Variants in MSRA observed in about 807,000 individuals in gnomAD.
The protein encoded by MSRA is methionine sulfoxide reductase A, also known as mitochondrial peptide methionine sulfoxide reductase.
A neutral mutation model predicts 31.3 loss-of-function variants in MSRA; 54 were observed. The observed-to-expected ratio is 1.73, with a 90% CI of 1.39 to 2.17. MSRA has a LOEUF of 2.17. MSRA is among the 30% of genes most tolerant of loss of function. The pLI is 0.00. For synonymous variants in MSRA, 169 were observed against 116.5 expected, an observed-to-expected ratio of 1.45 and a Z score of -2.90; for missense variants, 507 against 300.9, an observed-to-expected ratio of 1.69 and a Z score of -5.07.
At chr8:10,240,754 C>T (rs1041737952) in intron 2 of MSRA, among the ~76,000 whole-genome samples, 1 of 152,130 alleles carries the variant, frequency 6.6e-6, no homozygotes, top group Non-Finnish European at 1.5e-5. Flanking sequence ...CCTGGCCACT[C>T]TAGAGTAAGG....
chr8:10,288,903 G>A (rs924387452), intron 3 of MSRA, among the ~76,000 whole-genome samples: 4 of 151,990 alleles, frequency 2.6e-5, no homozygotes, highest in South Asian at 2.1e-4. Flanking sequence ...TTTGGATGAC[G>A]TGAAGTAGCT....
At chr8:10,143,364 G>A (rs1479806198) in intron 1 of MSRA, among the ~76,000 whole-genome samples, 1 of 152,100 alleles carries the variant, frequency 6.6e-6, no homozygotes, top group East Asian at 1.9e-4. Flanking sequence ...TTTCAGAAAA[G>A]GGTCCCTTCA....
intron 5 of MSRA, among the ~76,000 whole-genome samples, chr8:10,390,505 G>A (rs1287331900): frequency 6.6e-6 from 1 of 152,172 alleles, no homozygotes; most frequent in Non-Finnish European, 1.5e-5. Flanking sequence ...GGAAGCCAGG[G>A]GCATCCTGTG....
chr8:10,069,425 C>T lies in MSRA; in HGVS notation c.142+14767C>T, dbSNP rs566197827. On this transcript the variant is annotated intron_variant, in intron 1 of 5. Transcript: ENST00000317173. ...AAATAGATGTTTGTCCTCGTCCATT[C>T]GTGTTGTGATAACAGAATACCACAG... 2.9e-4 allele frequency among the ~76,000 whole-genome samples: 44 copies of T among 152,280 alleles called. 1 individual carries two copies. The highest frequency in any genetic ancestry group is 2.4e-4 in the Non-Finnish European group (16 of 68,028).
intron 1 of MSRA, among the ~76,000 whole-genome samples, chr8:10,200,858 G>T (rs767503031): frequency 2.2e-4 from 33 of 152,142 alleles, no homozygotes; most frequent in Non-Finnish European, 4.3e-4. Context: ...CCCTGCCCCA[G>T]ATTTGAGTGA....
At chr8:10,323,562 C>T (rs62490329) in intron 5 of MSRA, among the ~76,000 whole-genome samples, 3 of 152,004 alleles carry the variant, frequency 2.0e-5, no homozygotes, top group Admixed American at 6.6e-5. Flanking sequence ...GGGGAACCCA[C>T]GTTGATTTTA....
At chr8:10,295,853 C>G (rs752367502) in intron 3 of MSRA, among the ~76,000 whole-genome samples, 1 of 152,094 alleles carries the variant, frequency 6.6e-6, no homozygotes, top group East Asian at 1.9e-4. Flanking sequence ...CAGAGGAAGT[C>G]GTTGACAGGG....
At chr8:10,369,897 A>T (rs1237689187) in intron 5 of MSRA, among the ~76,000 whole-genome samples, 1 of 152,238 alleles carries the variant, frequency 6.6e-6, no homozygotes, top group African/African-American at 2.4e-5. Context: ...ACAATCATTC[A>T]TTCATTCTCC....
intron 3 of MSRA, among the ~76,000 whole-genome samples, chr8:10,282,141 G>A (rs76856650): frequency 0.069 from 10,544 of 152,092 alleles, 582 homozygotes; most frequent in East Asian, 0.29. Flanking sequence ...TTTATAATTC[G>A]TACTAATCAA....
chr8:10,153,661 G>T lies in MSRA; in HGVS notation c.143-54172G>T, dbSNP rs7816818. Among the ~76,000 whole-genome samples, 527 of 152,304 alleles carry T rather than the reference G, an allele frequency of 3.5e-3. 4 individuals are homozygous for T. Among genetic ancestry groups the T allele is most frequent in the African/African-American group, 0.011 (478 of 41,570 alleles). On this transcript the variant is annotated intron_variant, in intron 1 of 5. Coordinates refer to ENST00000317173, the MANE Select transcript of MSRA (RefSeq NM_012331.5). ...CAGCAGTGGTAGCACAGGTGAGGGT[G>T]TCGCCCACCGTCTGAGAAACCCATG...
At chr8:10,264,652 G>T (rs1365273018) in intron 3 of MSRA, among the ~76,000 whole-genome samples, 1 of 152,154 alleles carries the variant, frequency 6.6e-6, no homozygotes, top group Non-Finnish European at 1.5e-5. Context: ...AGATGCTGGG[G>T]GTCCCAAGGT....
In MSRA at chr8:10,422,944, C is replaced by A. The variant is rs78349318; in HGVS notation, c.544-5204C>A. 0.013 allele frequency among the ~76,000 whole-genome samples: 1,936 copies of A among 152,346 alleles called. 86 individuals carry two copies. In the East Asian group the frequency reaches 0.13, roughly 11 times the overall value. ...ATAGGGCCTGGAGGATGAGCACAGT[C>A]CCCTGAGGGCACCTGGGTCTTGAGG... On this transcript the variant is annotated intron_variant, in intron 5 of 5. Transcript: ENST00000317173.
chr8:10,388,334 C>T (rs531298383), intron 5 of MSRA, among the ~76,000 whole-genome samples: 3 of 152,276 alleles, frequency 2.0e-5, no homozygotes, highest in South Asian at 2.1e-4. Flanking sequence ...AGGTCACCCC[C>T]GTCTTCCTGG....
intron 1 of MSRA, among the ~76,000 whole-genome samples, chr8:10,171,122 C>T (rs982240410): frequency 1.3e-5 from 2 of 152,178 alleles, no homozygotes; most frequent in Non-Finnish European, 1.5e-5. Flanking sequence ...TAAAGACTTG[C>T]AACTGACTTT....
intron 1 of MSRA, among the ~76,000 whole-genome samples, chr8:10,172,162 A>C (rs1159069331): frequency 6.6e-6 from 1 of 152,186 alleles, no homozygotes; most frequent in Non-Finnish European, 1.5e-5. Flanking sequence ...CAATGTGTGG[A>C]AAGGGAGTGA....
chr8:10,197,142 C>G (rs985187224), intron 1 of MSRA, among the ~76,000 whole-genome samples: 1 of 152,058 alleles, frequency 6.6e-6, no homozygotes, highest in African/African-American at 2.4e-5. Context: ...CATTTATATT[C>G]TCAAGATTAT....
At chr8:10,172,150 G>T (rs2129046729) in intron 1 of MSRA, among the ~76,000 whole-genome samples, 1 of 152,344 alleles carries the variant, frequency 6.6e-6, no homozygotes, top group East Asian at 1.9e-4. Context: ...CTCCCTCCAT[G>T]CCAATGTGTG....
intron 1 of MSRA, among the ~76,000 whole-genome samples, chr8:10,098,449 T>C (rs1799318361): frequency 1.3e-5 from 2 of 152,204 alleles, no homozygotes; most frequent in Non-Finnish European, 2.9e-5. Flanking sequence ...TACTCGCTCA[T>C]TTATTCATTT....
intron 5 of MSRA, among the ~76,000 whole-genome samples, chr8:10,370,593 A>C (rs116458717): frequency 2.9e-4 from 44 of 152,314 alleles, no homozygotes; most frequent in African/African-American, 1.1e-3. Flanking sequence ...CGGGGAGCAA[A>C]GTCCTGGTCA....
Sources: gnomAD v4.1 joint callset for allele counts (sites outside exome capture counted in the v4.1 genomes callset) on GRCh38, gnomAD v4.1.1 for gene constraint, MANE v1.5 for transcripts, NCBI Gene and HGNC (gene_info 2026-07-23, HGNC 2026-07-21) for gene names.